ZNF536: variants seen among roughly 807,000 people sequenced by gnomAD.
The protein encoded by ZNF536 is zinc finger protein 536.
A neutral mutation model predicts 84.5 loss-of-function variants in ZNF536; 13 were observed. The observed-to-expected ratio is 0.15, with a 90% CI of 0.10 to 0.24. ZNF536 has a LOEUF of 0.24. Among genes scored for constraint, ZNF536 ranks in the 10% least tolerant of loss-of-function variants. The pLI is 1.00. For synonymous variants in ZNF536, 811 were observed against 742.5 expected, an observed-to-expected ratio of 1.09 and a Z score of -1.50; for missense variants, 1,536 against 1,747.5, an observed-to-expected ratio of 0.88 and a Z score of 2.16.
At chr19:30,680,387 A>G (rs1451862035) in intron 1 of ZNF536, among the ~76,000 whole-genome samples, 1 of 142,102 alleles carries the variant, frequency 7.0e-6, no homozygotes, top group Non-Finnish European at 1.5e-5. Flanking sequence ...TATCTCCTAA[A>G]GCTATCCCTC....
intron 1 of ZNF536, among the ~76,000 whole-genome samples, chr19:30,645,527 A>G (rs2049434350): frequency 6.6e-6 from 1 of 152,228 alleles, no homozygotes; most frequent in Non-Finnish European, 1.5e-5. Context: ...TGAGGAGGAC[A>G]TGTATCCTTC....
At chr19:30,389,214 T>G (rs2049475570) in intron 1 of ZNF536, among the ~76,000 whole-genome samples, 1 of 152,210 alleles carries the variant, frequency 6.6e-6, no homozygotes. Context: ...AGTAGAGTTC[T>G]GGTTTGCGCA....
At chr19:30,638,145 G>T (rs1381377298) in intron 1 of ZNF536, among the ~76,000 whole-genome samples, 5 of 152,192 alleles carry the variant, frequency 3.3e-5, no homozygotes, top group African/African-American at 1.2e-4. Flanking sequence ...AAACACTAAG[G>T]TCAAACTTGA....
intron 1 of ZNF536, among the ~76,000 whole-genome samples, chr19:30,407,873 T>C (rs2050326750): frequency 6.6e-6 from 1 of 152,174 alleles, no homozygotes; most frequent in Non-Finnish European, 1.5e-5. Context: ...ACAGATGGTT[T>C]CCAATTTTCT....
Position 30,549,202 on chromosome 19 carries a change from T to A in ZNF536, c.3583T>A (p.Ser1195Thr), listed in dbSNP as rs2146243410. The change falls in exon 4 of 5, where the codon TCT becomes ACT. Residue 1195 changes from serine (S) to threonine (T), a missense_variant. By Grantham distance (58) the Ser-to-Thr change is moderately conservative. Transcript: ENST00000355537. ...ACCGGAAATGATGACCAAGCCACTG[T>A]CTGCCCTCAGCAAAGACAGCAGCAG... is the stretch of plus-strand genomic sequence containing the variant. ...TEPEMMTKPL[S>T]ALSKDSSSDG... The A allele has an allele frequency of 6.2e-7, 1 of 1,614,066 alleles. No homozygotes were observed. The highest frequency in any genetic ancestry group is 1.1e-5 in the South Asian group (1 of 91,086).
chr19:30,532,445 C>A (rs1443208906), intron 2 of ZNF536, among the ~76,000 whole-genome samples: 5 of 152,170 alleles, frequency 3.3e-5, no homozygotes, highest in African/African-American at 1.2e-4. Context: ...AATTACACTT[C>A]TGAAACCTGC....
chr19:30,329,209 CA>C (rs1466543117), intron 2 of ZNF536, among the ~76,000 whole-genome samples: 1 of 152,204 alleles, frequency 6.6e-6, no homozygotes, highest in Non-Finnish European at 1.5e-5. Context: ...GTGAACAGAA[CA>C]GAGCCTTTAT....
chr19:30,490,947 T>C (rs1599565326), intron 2 of ZNF536, among the ~76,000 whole-genome samples: 1 of 151,952 alleles, frequency 6.6e-6, no homozygotes, highest in Non-Finnish European at 1.5e-5. Flanking sequence ...GCGTTGAGGG[T>C]GTTAGCAATG....
At chr19:30,429,511 AC>A (rs910234638) in intron 1 of ZNF536, among the ~76,000 whole-genome samples, 10 of 152,164 alleles carry the variant, frequency 6.6e-5, no homozygotes, top group Admixed American at 6.5e-5. Flanking sequence ...TCGTCAGCTC[AC>A]CCCAAAGGCC....
chr19:30,371,477 G>A (rs1056860354), upstream of ZNF536, among the ~76,000 whole-genome samples: 5 of 151,970 alleles, frequency 3.3e-5, no homozygotes, highest in East Asian at 9.6e-4. Context: ...CTTGCCATTG[G>A]CATATGCGTT....
At chr19:30,234,128 C>A (rs1195575165) in intron 1 of ZNF536, among the ~76,000 whole-genome samples, 1 of 152,204 alleles carries the variant, frequency 6.6e-6, no homozygotes, top group Non-Finnish European at 1.5e-5. Context: ...CTATGGCTTT[C>A]CAATGAGAAA....
intron 1 of ZNF536, among the ~76,000 whole-genome samples, chr19:30,250,147 G>A (rs188733466): frequency 1.2e-4 from 18 of 152,300 alleles, no homozygotes; most frequent in Middle Eastern, 3.4e-3. Flanking sequence ...TACTTCTAAA[G>A]CAAGGAGTCC....
At chr19:30,396,585 G>GCT (rs1434553983) in intron 1 of ZNF536, among the ~76,000 whole-genome samples, 1 of 105,604 alleles carries the variant, frequency 9.5e-6, no homozygotes, top group East Asian at 2.6e-4. Flanking sequence ...CTATGAGAGG[G>GCT]CTCTCTCTTT....
intron 1 of ZNF536, among the ~76,000 whole-genome samples, chr19:30,416,729 ACT>A (rs2050749802): frequency 6.6e-6 from 1 of 151,376 alleles, no homozygotes; most frequent in African/African-American, 2.4e-5. Context: ...GCAACTTTAA[ACT>A]CTCTCCTGTG....
At chr19:30,685,426 A>G (rs1321341392) in intron 1 of ZNF536, among the ~76,000 whole-genome samples, 2 of 152,074 alleles carry the variant, frequency 1.3e-5, no homozygotes, top group African/African-American at 4.8e-5. Flanking sequence ...CATTCATAGA[A>G]ACAAGCCTTC....
At chr19:30,380,823 T>G (rs2048994110) in intron 1 of ZNF536, among the ~76,000 whole-genome samples, 1 of 152,138 alleles carries the variant, frequency 6.6e-6, no homozygotes, top group South Asian at 2.1e-4. Context: ...GATGCGTGTT[T>G]CTTATTTATT....
In ZNF536 at chr19:30,598,789, G is replaced by A. The variant is rs181126784; in HGVS notation, c.169+49275G>A. On this transcript the variant is annotated intron_variant, in intron 1 of 1. Coordinates refer to the ZNF536 transcript ENST00000592773. ...TAGTTTATATTTAAATTTGGGGATA[G>A]CAGTGGTTTGTTTCCTTAGTTTACT... 3.3e-5 allele frequency among the ~76,000 whole-genome samples: 5 copies of A among 152,252 alleles called. No homozygotes were observed. The East Asian group carries it at 9.7e-4, about 29-fold the overall frequency.
intron 1 of ZNF536, among the ~76,000 whole-genome samples, chr19:30,631,064 C>T (rs1289381514): frequency 1.3e-5 from 2 of 152,202 alleles, no homozygotes; most frequent in Non-Finnish European, 2.9e-5. Flanking sequence ...AGGCTCCATC[C>T]TGCAAGGGCT....
chr19:30,345,704 A>G (rs1016619825), intron 2 of ZNF536, among the ~76,000 whole-genome samples: 1 of 152,174 alleles, frequency 6.6e-6, no homozygotes, highest in Non-Finnish European at 1.5e-5. Context: ...AGAGTCTCGG[A>G]TGCTTAGTTT....
Sources: allele counts gnomAD v4.1 joint callset (sites outside exome capture counted in the v4.1 genomes callset), GRCh38; gene constraint gnomAD v4.1.1; transcripts MANE v1.5; gene names NCBI Gene and HGNC (gene_info 2026-07-23, HGNC 2026-07-21).